LIN7A: variants seen among roughly 807,000 people sequenced by gnomAD.
LIN7A encodes the protein protein lin-7 homolog A.
Under a neutral mutation model 29.8 loss-of-function variants are expected in LIN7A, and 25 were observed. That is an observed-to-expected ratio of 0.84 (90% CI 0.61 to 1.17). The LOEUF is 1.17. Ranked by LOEUF, LIN7A falls within the 50% of genes most tolerant of loss-of-function variation. LIN7A has a pLI of 0.00. For missense variants in LIN7A, 239 were observed against 287.0 expected, an observed-to-expected ratio of 0.83 and a Z score of 1.21; for synonymous variants, 118 against 107.5, an observed-to-expected ratio of 1.10 and a Z score of -0.60.
rs1042166601 is a variant in LIN7A at position 80,794,610 on chromosome 12, T to C, written c.*3117A>G. 6.6e-6 allele frequency: 1 copy of C among 152,162 alleles called. No individual in the cohort carries two copies. The highest frequency in any genetic ancestry group is 1.9e-4 in the East Asian group (1 of 5,198). The allele number at this position is 152,162 out of a possible 1,614,324, so 9.4% of individuals were successfully genotyped here. A position where few individuals can be genotyped will look rare whatever the true frequency, so the allele number is the denominator to read the frequency against. Reference sequence around the variant, plus strand: ...AAACTGCATTTGTAAATCTGTGTAATCCATCTCGAGCCAAGTTCTTTGGAG... The same window carrying C: ...AAACTGCATTTGTAAATCTGTGTAACCCATCTCGAGCCAAGTTCTTTGGAG... On this transcript the variant is annotated 3_prime_UTR_variant, in exon 6 of 6. Coordinates refer to ENST00000552864, the MANE Select transcript of LIN7A (RefSeq NM_004664.4).
At chr12:80,928,605 T>C (rs921272684) in intron 1 of LIN7A, among the ~76,000 whole-genome samples, 5 of 152,344 alleles carry the variant, frequency 3.3e-5, no homozygotes, top group African/African-American at 1.2e-4. Flanking sequence ...TTTTGTCAGA[T>C]GGGTAGATTG....
rs902197774 is a variant in LIN7A, at chr12:80,915,224, C to A, written c.82+22417G>T. Among the ~76,000 whole-genome samples, 3 of 149,496 alleles carry A rather than the reference C, an allele frequency of 2.0e-5. No individual in the cohort carries two copies. In the East Asian group the frequency reaches 5.9e-4, roughly 29 times the overall value. Reference sequence around the variant, plus strand: ...ACTGGGTAAAGGACATGAACAGACACTTCTCAAAAGAAGACATACAAGTGA... The same window carrying A: ...ACTGGGTAAAGGACATGAACAGACAATTCTCAAAAGAAGACATACAAGTGA... On this transcript the variant is annotated intron_variant, in intron 1 of 5. Transcript: ENST00000552864.
intron 1 of LIN7A, among the ~76,000 whole-genome samples, chr12:80,892,215 C>T (rs938566870): frequency 2.0e-5 from 3 of 152,162 alleles, no homozygotes; most frequent in African/African-American, 7.2e-5. Context: ...CCACAGAATT[C>T]CACATCCCTG....
intron 1 of LIN7A, among the ~76,000 whole-genome samples, chr12:80,907,098 T>TGTGTGTGTGTGTGTGTG (rs66479772): frequency 3.4e-5 from 5 of 147,610 alleles, no homozygotes; most frequent in Admixed American, 6.7e-5. Context: ...TGTGTGTGTG[T>TGTGTGTGTGTGTGTGTG]TGAGGATTAA....
intron 2 of LIN7A, among the ~76,000 whole-genome samples, chr12:80,859,853 AC>A (rs1474321197): frequency 6.6e-6 from 1 of 152,170 alleles, no homozygotes; most frequent in Non-Finnish European, 1.5e-5. Context: ...TATCATACTT[AC>A]TTTTAATGTT....
intron 2 of LIN7A, among the ~76,000 whole-genome samples, chr12:80,854,018 T>G (rs1376388123): frequency 1.3e-5 from 2 of 152,136 alleles, no homozygotes; most frequent in Non-Finnish European, 2.9e-5. Flanking sequence ...TCTTGAACAT[T>G]GCTAGTGGAA....
In LIN7A at chr12:80,845,678, A is replaced by G. The variant is rs752598180; in HGVS notation, c.483+52T>C. ...TTGACTTCAGTAATAGCAGGGGGCA[A>G]AAAAAAAGAATGTGCTTAAGGAGAA... On this transcript the variant is annotated intron_variant, in intron 4 of 5. Transcript: ENST00000552864. 4 of 1,485,480 alleles carry G rather than the reference A, an allele frequency of 2.7e-6. No homozygotes were observed. In the East Asian group the frequency reaches 6.9e-5, roughly 26 times the overall value. The allele number at this position is 1,485,480 out of a possible 1,614,324, so 92.0% of individuals were successfully genotyped here. A position where few individuals can be genotyped will look rare whatever the true frequency, so the allele number is the denominator to read the frequency against.
Position 80,915,126 on chromosome 12 carries a change from A to G in LIN7A, c.82+22515T>C, listed in dbSNP as rs556840453. Among the ~76,000 whole-genome samples, 3 of 151,234 alleles carry G rather than the reference A, an allele frequency of 2.0e-5. No homozygotes were observed. The South Asian group carries it at 6.3e-4, about 32-fold the overall frequency. On this transcript the variant is annotated intron_variant, in intron 1 of 5. Coordinates refer to ENST00000552864, the MANE Select transcript of LIN7A (RefSeq NM_004664.4). ...ATCTGGCAAAGGTCTAATATCCAGA[A>G]TCTACAAGGAACTTAAATCAACAAG...
chr12:80,856,712 A>G (rs1004316966), intron 2 of LIN7A, among the ~76,000 whole-genome samples: 2 of 152,172 alleles, frequency 1.3e-5, no homozygotes, highest in Non-Finnish European at 1.5e-5. Context: ...AACACTCATT[A>G]ATATATCACT....
intron 1 of LIN7A, among the ~76,000 whole-genome samples, chr12:80,903,357 AC>A (rs1876319600): frequency 6.6e-6 from 1 of 151,670 alleles, no homozygotes; most frequent in Admixed American, 6.6e-5. Context: ...TTCATCACCC[AC>A]CCTCCTATCC....
At chr12:80,847,867 T>C (rs369523714) in intron 3 of LIN7A, among the ~76,000 whole-genome samples, 3 of 152,214 alleles carry the variant, frequency 2.0e-5, no homozygotes, top group East Asian at 3.8e-4. Context: ...ATTCTTTTCC[T>C]GTCTATTTGA....
chr12:80,845,994 C>T (rs1273279980), intron 3 of LIN7A, 55 bp from the exon 4 acceptor site: 120 of 1,483,378 alleles, frequency 8.1e-5, no homozygotes, highest in Non-Finnish European at 6.6e-5. Flanking sequence ...GAAATAAAGG[C>T]TAATCATATG....
chr12:80,858,507 CTTTTTTTT>C (rs11353715), intron 2 of LIN7A, among the ~76,000 whole-genome samples: 1 of 139,352 alleles, frequency 7.2e-6, no homozygotes, highest in East Asian at 2.1e-4. Context: ...GAAGAAATTT[CTTTTTTTT>C]TTTTTTTTTA....
intron 2 of LIN7A, among the ~76,000 whole-genome samples, chr12:80,880,488 G>T (rs1267954635): frequency 1.3e-5 from 2 of 152,108 alleles, no homozygotes; most frequent in African/African-American, 4.8e-5. Flanking sequence ...TGAAACTCTA[G>T]ATTTCTGGCT....
intron 1 of LIN7A, among the ~76,000 whole-genome samples, chr12:80,913,189 T>A (rs1172788695): frequency 6.6e-6 from 1 of 152,258 alleles, no homozygotes; most frequent in African/African-American, 2.4e-5. Flanking sequence ...CATATTTTGC[T>A]ACATGCATTT....
intron 1 of LIN7A, among the ~76,000 whole-genome samples, chr12:80,903,297 G>A (rs1410178288): frequency 6.6e-6 from 1 of 151,960 alleles, no homozygotes; most frequent in Non-Finnish European, 1.5e-5. Flanking sequence ...TGGGGTTTTA[G>A]TGTAGCTATT....
intron 4 of LIN7A, among the ~76,000 whole-genome samples, chr12:80,841,420 G>A (rs1872818065): frequency 6.6e-6 from 1 of 151,606 alleles, no homozygotes; most frequent in Admixed American, 6.6e-5. Context: ...GGGAAAGAAA[G>A]TACGAACAGC....
chr12:80,826,426 C>A (rs73137280), intron 4 of LIN7A, among the ~76,000 whole-genome samples: 1 of 152,196 alleles, frequency 6.6e-6, no homozygotes, highest in Non-Finnish European at 1.5e-5. Flanking sequence ...TCAATTACCA[C>A]AATTGCATCT....
At chr12:80,919,775 C>T (rs930104632) in intron 1 of LIN7A, among the ~76,000 whole-genome samples, 4 of 152,170 alleles carry the variant, frequency 2.6e-5, no homozygotes, top group Non-Finnish European at 2.9e-5. Context: ...TGAATTTAGT[C>T]TGGCAGACCA....
Sources: gnomAD v4.1 joint callset for allele counts (sites outside exome capture counted in the v4.1 genomes callset) on GRCh38, gnomAD v4.1.1 for gene constraint, MANE v1.5 for transcripts, NCBI Gene and HGNC (gene_info 2026-07-23, HGNC 2026-07-21) for gene names.